The following PKD1 variants were observed in gnomAD, a reference collection of about 807,000 sequenced individuals.
PKD1 encodes polycystin 1, transient receptor potential channel interacting.
A neutral mutation model predicts 361.7 loss-of-function variants in PKD1; 81 were observed. The observed-to-expected ratio is 0.22, with a 90% CI of 0.19 to 0.27. PKD1 has a LOEUF of 0.27. PKD1 is among the 10% of genes least tolerant of loss of function. The pLI, the probability that PKD1 is intolerant of heterozygous loss-of-function variation, is 1.00. For missense variants in PKD1, 6,399 were observed against 6,118.3 expected (o/e 1.05, Z -1.53); for synonymous variants, 3,615 against 2,818.3 (o/e 1.28, Z -8.95).
At chr16:2,122,668 G>A (rs907927552) in intron 1 of PKD1, among the ~76,000 whole-genome samples, 3 of 152,242 alleles carry the variant, frequency 2.0e-5, no homozygotes, top group East Asian at 1.9e-4. Flanking sequence ...GGAACACTGT[G>A]CCGTGAGGAA....
At chr16:2,125,575 G>C (rs554924633) in intron 1 of PKD1, among the ~76,000 whole-genome samples, 1 of 152,214 alleles carries the variant, frequency 6.6e-6, no homozygotes, top group Non-Finnish European at 1.5e-5. Context: ...GAGGCTGAAC[G>C]AGGGAGATGA....
Position 2,090,158 on chromosome 16 carries a change from G to A in PKD1, c.12481C>T (p.Leu4161=), listed in dbSNP as rs370661250. 4.3e-5 allele frequency: 69 copies of A among 1,597,336 alleles called. No homozygotes were observed. The African/African-American group carries it at 6.4e-4, about 15-fold the overall frequency. Residue 4161 remains leucine, a synonymous_variant, in exon 46 of 46, where the codon CTG becomes TTG. Coordinates refer to ENST00000262304, the MANE Select transcript of PKD1 (RefSeq NM_001009944.3). ...GAGCCCCTGGAGGAGCGAGAGGGCA[G>A]CGGCTCCATCCCTTCAAAGCGGACT... ...HKVRFEGMEP[L]PSRSSRGSKV...
At chr16:2,092,859 G>C (rs917576187) in intron 38 of PKD1, 95 bp downstream of exon 38, 2 of 1,445,476 alleles carry the variant, frequency 1.4e-6, no homozygotes, top group Non-Finnish European at 1.9e-6. Flanking sequence ...CAGCCACAAA[G>C]GTATCTACAC....
In PKD1 at chr16:2,088,788, T is replaced by C. The variant is rs1012826356; in HGVS notation, c.*939A>G. On this transcript the variant is annotated 3_prime_UTR_variant, in exon 46 of 46. Coordinates refer to ENST00000262304, the MANE Select transcript of PKD1 (RefSeq NM_001009944.3). Reference sequence around the variant, plus strand: ...GGTGTCGAGGCTCTAGAAGCGGCCATGCCCACAGAAGTGGTACACAGAAGC... The same window carrying C: ...GGTGTCGAGGCTCTAGAAGCGGCCACGCCCACAGAAGTGGTACACAGAAGC... 6 of 849,710 alleles carry C rather than the reference T, an allele frequency of 7.1e-6. No individual in the cohort carries two copies. Among genetic ancestry groups the C allele is most frequent in the Non-Finnish European group, 1.1e-5 (6 of 561,810 alleles). 52.6% of individuals were successfully genotyped at this position (849,710 alleles called of 1,614,324 possible).
Position 2,088,879 on chromosome 16 carries a change from GCGCA to G in PKD1, c.*844_*847del, listed in dbSNP as rs895981838. The G allele has an allele frequency of 6.0e-5, 28 of 469,554 alleles. No homozygotes were observed. Among genetic ancestry groups the G allele is most frequent in the African/African-American group, 4.8e-4 (15 of 31,042 alleles). The allele number at this position is 469,554 out of a possible 1,614,324, so 29.1% of individuals were successfully genotyped here. A position where few individuals can be genotyped will look rare whatever the true frequency, so the allele number is the denominator to read the frequency against. On this transcript the variant is annotated 3_prime_UTR_variant, in exon 46 of 46. Coordinates refer to ENST00000262304, the MANE Select transcript of PKD1 (RefSeq NM_001009944.3). The stretch of plus-strand genomic sequence containing the variant: ...ATACAGCACACTCGCGCGTGCGCGC[GCGCA>G]CACACACACACACACAGTCACCTTC...
rs754768445 is a variant in PKD1, at chr16:2,106,361, G to C, written c.7489+37C>G. 1.9e-6 allele frequency: 3 copies of C among 1,599,046 alleles called. No homozygotes were observed. The highest frequency in any genetic ancestry group is 4.5e-5 in the East Asian group (2 of 44,322). Reference sequence around the variant, plus strand: ...GGCTCCGTGACGTCACAGAGTCGGGGGATCCCGCTGCTCCCCCCACGCAGG... The same window carrying C: ...GGCTCCGTGACGTCACAGAGTCGGGCGATCCCGCTGCTCCCCCCACGCAGG... On this transcript the variant is annotated intron_variant, in intron 18 of 45. Transcript: ENST00000262304. This position sits in a 1 kb window ranked among gnomAD's most constrained non-coding sequence, Gnocchi z 6.5.
rs746460070 is a variant in PKD1, at chr16:2,102,583, C to T, written c.8999G>A (p.Arg3000His). 1.2e-5 allele frequency: 19 copies of T among 1,611,088 alleles called. No individual in the cohort carries two copies. The highest frequency in any genetic ancestry group is 2.2e-5 in the East Asian group (1 of 44,898). ...CACGGACACCTGCAGCGCCGACCAGCGGAAGTGGCTGGAGAGGTTCAGATG... is the reference window on the plus strand; with the variant it reads ...CACGGACACCTGCAGCGCCGACCAGTGGAAGTGGCTGGAGAGGTTCAGATG... ...SYHLNLSSHF[R>H]WSALQVSVGL... The change falls in exon 25 of 46, where the codon CGC becomes CAC. Residue 3000 changes from arginine (R) to histidine (H), a missense_variant. By Grantham distance (29) the Arg-to-His change is conservative. Transcript: ENST00000262304.
At chr16:2,120,696 G>T (rs537008425) in intron 1 of PKD1, among the ~76,000 whole-genome samples, 1 of 151,762 alleles carries the variant, frequency 6.6e-6, no homozygotes, top group Non-Finnish European at 1.5e-5. Context: ...AGCAAGACCC[G>T]GTCTCGAAAG....
At chr16:2,105,793 A>C in intron 20 of PKD1, 72 bp downstream of exon 20, 1 of 1,491,866 alleles carries the variant, frequency 6.7e-7, no homozygotes, top group South Asian at 1.1e-5. Flanking sequence ...GCAAAGCTCC[A>C]GGCAGGGGTA....
rs145629362 is a variant in PKD1, at chr16:2,103,775, C to G, written c.8282G>C (p.Arg2761Pro). The G allele has an allele frequency of 6.2e-7, 1 of 1,609,628 alleles. No homozygotes were observed. Among genetic ancestry groups the G allele is most frequent in the Admixed American group, 1.7e-5 (1 of 59,964 alleles). The change falls in exon 23 of 46, where the codon CGC becomes CCC. Residue 2761 changes from arginine to proline, a missense_variant. Arg to Pro is a moderately radical substitution (Grantham distance 103). Transcript: ENST00000262304. ...QAYNLTSALMRILMRSRVLNE... is the reference protein window; with the variant it reads ...QAYNLTSALMPILMRSRVLNE... ...GAGCACGCGGGAGCGCATGAGGATGCGCATGAGGGCAGAGGTCAGGTTGTA... is the reference window on the plus strand; with the variant it reads ...GAGCACGCGGGAGCGCATGAGGATGGGCATGAGGGCAGAGGTCAGGTTGTA...
rs923466900 is a variant in PKD1 at position 2,108,317 on chromosome 16, G to A, written c.6850C>T (p.Pro2284Ser). The A allele has an allele frequency of 2.5e-6, 4 of 1,603,786 alleles. No individual in the cohort carries two copies. The highest frequency in any genetic ancestry group is 3.4e-6 in the Non-Finnish European group (4 of 1,174,352). ...GTCTGGTCGCCGTCCTCCAGGTTGG[G>A]GTCGTAGGACTCGCTCCCATCCAGC... ...LVLDGSESYD[P>S]NLEDGDQTPL... Residue 2284 changes from proline (P) to serine (S), a missense_variant, in exon 15 of 46, where the codon CCC becomes TCC. By Grantham distance (74) the Pro-to-Ser change is moderately conservative. Transcript: ENST00000262304.
chr16:2,125,593 G>A (rs1000828131), intron 1 of PKD1, among the ~76,000 whole-genome samples: 19 of 152,334 alleles, frequency 1.2e-4, no homozygotes, highest in African/African-American at 3.6e-4. Flanking sequence ...TGAGAAAGGG[G>A]AGTCTGCGAT....
At position 2,105,973 on chromosome 16, in the gene PKD1, T is replaced by C. The variant is rs751189319; in HGVS notation, c.7755A>G (p.Thr2585=). ...TAGCGGTGAGCCCGTGCAGCCAGACTGTGAGCCCCGTTGCGCTGCCGTTGG... is the reference window on the plus strand; with the variant it reads ...TAGCGGTGAGCCCGTGCAGCCAGACCGTGAGCCCCGTTGCGCTGCCGTTGG... ...PEPNGSATGL[T]VWLHGLTASV... is the part of the protein sequence containing the mutation. Residue 2585 remains threonine, a synonymous_variant, in exon 20 of 46, where the codon ACA becomes ACG. Coordinates refer to ENST00000262304, the MANE Select transcript of PKD1 (RefSeq NM_001009944.3). The C allele has an allele frequency of 5.0e-6, 8 of 1,601,584 alleles. No individual in the cohort carries two copies. Among genetic ancestry groups the C allele is most frequent in the Non-Finnish European group, 6.8e-6 (8 of 1,179,610 alleles).
Position 2,090,476 on chromosome 16 carries a change from G to T in PKD1, c.12253C>A (p.Leu4085Met). ...AGTGCCCAGAGCCCCACACACAGCA[G>T]GGGTGACAGGTGCCAGGACTCGGCA... Reference protein sequence around the residue: ...CPAESWHLSPLLCVGLWALRL... With the variant: ...CPAESWHLSPMLCVGLWALRL... The change falls in exon 45 of 46, where the codon CTG (leucine) becomes ATG (methionine). Residue 4085 changes from leucine to methionine, a missense_variant. Transcript: ENST00000262304. 3.1e-6 allele frequency: 5 copies of T among 1,612,170 alleles called. No homozygotes were observed. The highest frequency in any genetic ancestry group is 4.2e-6 in the Non-Finnish European group (5 of 1,179,706).
intron 1 of PKD1, among the ~76,000 whole-genome samples, chr16:2,126,850 G>A (rs2092805951): frequency 6.6e-6 from 1 of 152,224 alleles, no homozygotes; most frequent in Non-Finnish European, 1.5e-5. Context: ...GTGGGGGAGC[G>A]AGGGCAGTGG....
chr16:2,094,382 G>A lies in PKD1; in HGVS notation c.10500-172C>T, dbSNP rs1221540548. On this transcript the variant is annotated intron_variant, in intron 34 of 45. Transcript: ENST00000262304. ...AGAGTGGGAGTGGTGCTGGGAGCCA[G>A]GGAACCAAGAGCCACTCCAGGCACC... is the stretch of plus-strand genomic sequence containing the variant. Among the ~76,000 whole-genome samples, 3 of 152,218 alleles carry A rather than the reference G, an allele frequency of 2.0e-5. No homozygotes were observed. In the South Asian group the frequency reaches 6.2e-4, roughly 32 times the overall value.
chr16:2,092,183 A>G lies in PKD1; in HGVS notation c.11275T>C (p.Tyr3759His), dbSNP rs768042055. 6.2e-6 allele frequency: 10 copies of G among 1,601,462 alleles called. No homozygotes were observed. In the South Asian group the frequency reaches 1.0e-4, roughly 16 times the overall value. Residue 3759 changes from tyrosine (Y) to histidine (H), a missense_variant, in exon 40 of 46, where the codon TAC becomes CAC. Transcript: ENST00000262304. Reference protein sequence around the residue: ...LRQVRLQEALYPDPPGPRVHT... With the variant: ...LRQVRLQEALHPDPPGPRVHT... ...ACCCTGGGGCCGGGAGGGTCTGGGT[A>G]GAGTGCTGAAACACACAGAGCCCCA... is the stretch of plus-strand genomic sequence containing the variant.
chr16:2,126,613 G>A (rs1419213589), intron 1 of PKD1, among the ~76,000 whole-genome samples: 9 of 152,284 alleles, frequency 5.9e-5, no homozygotes, highest in African/African-American at 1.2e-4. Context: ...TGCTGTGCCC[G>A]CAGACGTGCC....
Position 2,119,077 on chromosome 16 carries a change from G to C in PKD1, c.359+37C>G, listed in dbSNP as rs538947239. 1.0e-5 allele frequency: 11 copies of C among 1,084,770 alleles called. No individual in the cohort carries two copies. In the South Asian group the frequency reaches 1.4e-4, roughly 14 times the overall value. The allele number at this position is 1,084,770 out of a possible 1,614,324, so 67.2% of individuals were successfully genotyped here. On this transcript the variant is annotated intron_variant, in intron 3 of 45. Transcript: ENST00000262304. ...GCAGAAGGGATATTGGGGGCCTGGG[G>C]TCCAGCCAGGACCCCACCCAAAGAA... is the stretch of plus-strand genomic sequence containing the variant.
Sources: gnomAD v4.1 joint callset for allele counts (sites outside exome capture counted in the v4.1 genomes callset) on GRCh38, gnomAD v4.1.1 for gene constraint, Gnocchi (gnomAD v3.1) non-coding constraint, MANE v1.5 for transcripts, NCBI Gene and HGNC (gene_info 2026-07-23, HGNC 2026-07-21) for gene names.